Variants in JMJD1C observed in about 807,000 individuals in gnomAD.
JMJD1C encodes the protein jumonji domain containing 1C, also known as jumonji domain-containing protein 1C.
JMJD1C carries 31 observed loss-of-function variants against 245.3 expected under a neutral mutation model. That is an observed-to-expected ratio of 0.13 (90% confidence interval 0.09 to 0.17). The LOEUF (loss-of-function observed/expected upper bound fraction) is 0.17, where lower values mean the gene tolerates loss of function less well. Ranked by LOEUF, JMJD1C falls within the 10% of genes least tolerant of loss-of-function variation. The pLI is 1.00. For synonymous variants in JMJD1C, 1,057 were observed against 1,017.4 expected (o/e 1.04, Z -0.74); for missense variants, 2,691 against 3,000.2 (o/e 0.90, Z 2.41).
At chr10:63,323,449 G>A (rs981623817) in intron 2 of JMJD1C, among the ~76,000 whole-genome samples, 2 of 152,146 alleles carry the variant, frequency 1.3e-5, no homozygotes, top group South Asian at 4.1e-4. Context: ...GAACCCAGGA[G>A]GCTGAGGTTG....
chr10:63,457,425 T>C (rs1589784678), intron 1 of JMJD1C, among the ~76,000 whole-genome samples: 1 of 152,094 alleles, frequency 6.6e-6, no homozygotes, highest in Non-Finnish European at 1.5e-5. Context: ...GTAGAGACGG[T>C]GGATCAAACT....
chr10:63,191,705 C>T (rs1274776261), intron 16 of JMJD1C, among the ~76,000 whole-genome samples: 2 of 152,014 alleles, frequency 1.3e-5, no homozygotes, highest in African/African-American at 4.8e-5. Context: ...AGGTAAGTGG[C>T]CGGGCGCGGT....
At chr10:63,406,413 C>T (rs1949173624) in intron 1 of JMJD1C, among the ~76,000 whole-genome samples, 1 of 151,868 alleles carries the variant, frequency 6.6e-6, no homozygotes, top group Non-Finnish European at 1.5e-5. Flanking sequence ...ATGTATCAAA[C>T]AATCACAGAA....
At chr10:63,484,236 GGATAGATAGATAGATAGATAGATA>G (rs142291507) in intron 1 of JMJD1C, among the ~76,000 whole-genome samples, 2 of 92,750 alleles carry the variant, frequency 2.2e-5, no homozygotes, top group East Asian at 4.7e-4. Flanking sequence ...ATGGATGGAT[GGATAGATAGATAGATAGATAGATA>G]GATAGATAGA....
At chr10:63,517,456 A>C (rs1191722187) in intron 1 of JMJD1C, among the ~76,000 whole-genome samples, 2 of 152,204 alleles carry the variant, frequency 1.3e-5, no homozygotes, top group African/African-American at 4.8e-5. Context: ...TGATTTACCA[A>C]ACATCCTATT....
intron 16 of JMJD1C, among the ~76,000 whole-genome samples, chr10:63,191,389 C>A (rs1221165782): frequency 1.3e-5 from 2 of 152,180 alleles, no homozygotes; most frequent in East Asian, 3.9e-4. Flanking sequence ...CCACCTTGGC[C>A]TCCCAAACTG....
intron 1 of JMJD1C, among the ~76,000 whole-genome samples, chr10:63,486,809 T>G (rs1212497029): frequency 6.6e-6 from 1 of 152,190 alleles, no homozygotes; most frequent in Non-Finnish European, 1.5e-5. Context: ...CTGAGCACTT[T>G]ACATAAAATA....
At chr10:63,327,206 A>C (rs934415665) in intron 2 of JMJD1C, among the ~76,000 whole-genome samples, 4 of 152,088 alleles carry the variant, frequency 2.6e-5, no homozygotes, top group Non-Finnish European at 5.9e-5. Context: ...AAAACAAAAA[A>C]CAGGACAGCC....
In JMJD1C at chr10:63,503,443, T is replaced by C. The variant is rs145833157; in HGVS notation, n.113+18295A>G. Among the ~76,000 whole-genome samples, 328 of 152,320 alleles carry C rather than the reference T, an allele frequency of 2.2e-3. 2 individuals carry two copies. Among genetic ancestry groups the C allele is most frequent in the African/African-American group, 7.5e-3 (311 of 41,574 alleles). Reference sequence around the variant, plus strand: ...GTGGAAAAAACAATTTAAGAGATCCTTTCTATGAAAAGTTTGGGAGACAAT... The same window carrying C: ...GTGGAAAAAACAATTTAAGAGATCCCTTCTATGAAAAGTTTGGGAGACAAT... On this transcript the variant is annotated intron_variant and non_coding_transcript_variant, in intron 1 of 3. Transcript: ENST00000633035.
At chr10:63,424,563 A>G (rs572539995) in intron 1 of JMJD1C, among the ~76,000 whole-genome samples, 4 of 109,480 alleles carry the variant, frequency 3.7e-5, no homozygotes, top group South Asian at 3.3e-4. Context: ...CTGGAGTACA[A>G]TGATGCGACT....
At chr10:63,228,783 T>G (rs967955954) in intron 3 of JMJD1C, among the ~76,000 whole-genome samples, 1 of 152,182 alleles carries the variant, frequency 6.6e-6, no homozygotes, top group Non-Finnish European at 1.5e-5. Context: ...CAAATCCTTT[T>G]CACCAGTAAA....
chr10:63,382,766 T>A (rs905768284), intron 1 of JMJD1C: 1 of 455,888 alleles, frequency 2.2e-6, no homozygotes, highest in Non-Finnish European at 4.4e-6. Flanking sequence ...TATATTTTTA[T>A]CCTAATTCTG....
At chr10:63,369,320 T>G (rs968251450) in intron 2 of JMJD1C, among the ~76,000 whole-genome samples, 1 of 151,650 alleles carries the variant, frequency 6.6e-6, no homozygotes, top group Non-Finnish European at 1.5e-5. Context: ...TTTTGTATTT[T>G]TAGCGGAGAT....
At chr10:63,449,476 GAA>G (rs1293971781) in intron 1 of JMJD1C, among the ~76,000 whole-genome samples, 1 of 151,942 alleles carries the variant, frequency 6.6e-6, no homozygotes, top group African/African-American at 2.4e-5. Context: ...GCCTATGAAT[GAA>G]AAAAGCTACC....
intron 1 of JMJD1C, among the ~76,000 whole-genome samples, chr10:63,418,743 G>A (rs954417586): frequency 7.2e-5 from 11 of 151,970 alleles, no homozygotes; most frequent in African/African-American, 2.4e-4. Context: ...TCTGCTTCCC[G>A]TATATTTGAG....
chr10:63,317,746 C>A lies in JMJD1C; in HGVS notation c.334-52982G>T, dbSNP rs188532603. 3.1e-3 allele frequency among the ~76,000 whole-genome samples: 475 copies of A among 152,324 alleles called. 3 individuals carry two copies. The highest frequency in any genetic ancestry group is 3.6e-3 in the Non-Finnish European group (243 of 68,024). On this transcript the variant is annotated intron_variant, in intron 2 of 25. Transcript: ENST00000399262. ...ATATTTGATATCATTCCAAAGGCCA[C>A]TGAAATTCTATTCAGTGTGCCCCGT... is the stretch of plus-strand genomic sequence containing the variant.
chr10:63,181,527 A>G (rs915007590), intron 22 of JMJD1C, among the ~76,000 whole-genome samples: 1 of 152,242 alleles, frequency 6.6e-6, no homozygotes, highest in Non-Finnish European at 1.5e-5. Context: ...AGTATTTTTC[A>G]ATGTGTTTGA....
intron 1 of JMJD1C, among the ~76,000 whole-genome samples, chr10:63,435,018 C>T (rs552774697): frequency 3.9e-5 from 6 of 152,358 alleles, no homozygotes; most frequent in African/African-American, 1.2e-4. Flanking sequence ...ATTAAAATCT[C>T]ACATTGTCTG....
Position 63,194,279 on chromosome 10 carries a change from T to TACTTAC in JMJD1C, c.5734+1_5734+6dup, listed in dbSNP as rs758948533. On this transcript the variant is annotated splice_region_variant and intron_variant, in intron 14 of 25. Transcript: ENST00000399262. ...GCAGTTATATTACATGAAGAAGATA[T>TACTTAC]ACTTACCAGAACCAGGTATAATTTG... The TACTTAC allele has an allele frequency of 6.4e-7, 1 of 1,574,798 alleles. No individual in the cohort carries two copies.
Sources: gnomAD v4.1 joint callset for allele counts (sites outside exome capture counted in the v4.1 genomes callset) on GRCh38, gnomAD v4.1.1 for gene constraint, MANE v1.5 for transcripts, NCBI Gene and HGNC (gene_info 2026-07-23, HGNC 2026-07-21) for gene names.